Variants in TACC1 observed in about 807,000 individuals in gnomAD.
TACC1 encodes the protein transforming acidic coiled-coil containing protein 1, also known as transforming acidic coiled-coil-containing protein 1.
Under a neutral mutation model 84.4 loss-of-function variants are expected in TACC1, and 48 were observed. The ratio of observed to expected loss-of-function variants is 0.57; its 90% CI spans 0.45 to 0.72. TACC1 has a LOEUF of 0.72. Ranked by LOEUF, TACC1 falls within the 30% of genes least tolerant of loss-of-function variation. TACC1 has a pLI of 0.00. For synonymous variants in TACC1, 372 were observed against 376.3 expected (o/e 0.99, Z 0.13); for missense variants, 920 against 973.0 (o/e 0.95, Z 0.72).
At chr8:38,795,887 C>T (rs1819849318) in intron 2 of TACC1, among the ~76,000 whole-genome samples, 1 of 152,120 alleles carries the variant, frequency 6.6e-6, no homozygotes, top group African/African-American at 2.4e-5. Context: ...GCCAGACTCA[C>T]AAGGGAATAA....
intron 4 of TACC1, among the ~76,000 whole-genome samples, chr8:38,825,997 C>T (rs866630660): frequency 1.3e-5 from 2 of 152,220 alleles, no homozygotes; most frequent in Admixed American, 6.5e-5. Context: ...TAATATCCAT[C>T]CATGACCGTA....
At chr8:38,788,648 A>G (rs753038802) in intron 1 of TACC1, 56 bp from the exon 2 acceptor site, 14 of 1,329,260 alleles carry the variant, frequency 1.1e-5, no homozygotes, top group Non-Finnish European at 1.4e-5. Context: ...GTAGATTTCA[A>G]AGGGTGTCGG....
At chr8:38,846,854 G>C in intron 12 of TACC1, 35 bp downstream of exon 12, 1 of 1,610,158 alleles carries the variant, frequency 6.2e-7, no homozygotes, top group Non-Finnish European at 8.5e-7. Context: ...TGGCCACAGA[G>C]ACGTTTGGTT....
At chr8:38,754,726 C>T (rs895190952) in intron 3 of TACC1, among the ~76,000 whole-genome samples, 20 of 152,226 alleles carry the variant, frequency 1.3e-4, no homozygotes, top group African/African-American at 4.8e-4. Context: ...ATTCCAGCCT[C>T]AGTATACTTT....
intron 2 of TACC1, among the ~76,000 whole-genome samples, chr8:38,795,419 T>C (rs561789312): frequency 2.6e-5 from 4 of 152,370 alleles, no homozygotes; most frequent in Non-Finnish European, 5.9e-5. Context: ...GAACTTACTT[T>C]GGTACTTGCG....
At chr8:38,765,138 T>C (rs1180599980) in intron 3 of TACC1, among the ~76,000 whole-genome samples, 2 of 151,344 alleles carry the variant, frequency 1.3e-5, no homozygotes, top group African/African-American at 4.8e-5. Flanking sequence ...TCTTTCTTTC[T>C]GTTTAACTCT....
intron 10 of TACC1, 56 bp downstream of exon 10, chr8:38,842,503 G>A: frequency 6.6e-7 from 1 of 1,520,714 alleles, no homozygotes; most frequent in Non-Finnish European, 8.8e-7. Context: ...TATTTCCTTG[G>A]TAACTGGTCA....
chr8:38,842,591 C>A, intron 10 of TACC1, 144 bp downstream of exon 10: 1 of 945,950 alleles, frequency 1.1e-6, no homozygotes, highest in Non-Finnish European at 1.5e-6. Flanking sequence ...TCCTCTATTC[C>A]AGTGAAGCTG....
chr8:38,847,550 C>T (rs1832543404), intron 12 of TACC1, among the ~76,000 whole-genome samples: 1 of 152,214 alleles, frequency 6.6e-6, no homozygotes, highest in Non-Finnish European at 1.5e-5. Flanking sequence ...GTTTTTATCA[C>T]AGGGTCTGTT....
chr8:38,789,010 T>G (rs1237401078), intron 2 of TACC1, among the ~76,000 whole-genome samples, 191 bp downstream of exon 2: 1 of 152,194 alleles, frequency 6.6e-6, no homozygotes, highest in African/African-American at 2.4e-5. Context: ...GAGTAGAGTT[T>G]GTGCATTTGC....
intron 2 of TACC1, among the ~76,000 whole-genome samples, chr8:38,807,739 GT>G (rs1823102931): frequency 6.6e-6 from 1 of 152,144 alleles, no homozygotes; most frequent in South Asian, 2.1e-4. Context: ...AGACTTTCAA[GT>G]TTTTTCATAG....
intron 1 of TACC1, among the ~76,000 whole-genome samples, chr8:38,741,691 T>C (rs1280716475): frequency 6.6e-6 from 1 of 152,194 alleles, no homozygotes; most frequent in Non-Finnish European, 1.5e-5. Context: ...AAGACTAGAC[T>C]GTGGGGTTGG....
At chr8:38,781,405 G>A (rs910299680) in intron 3 of TACC1, among the ~76,000 whole-genome samples, 3 of 149,756 alleles carry the variant, frequency 2.0e-5, no homozygotes, top group Non-Finnish European at 4.4e-5. Flanking sequence ...TTTTTGAGGC[G>A]GAGACTTGTT....
chr8:38,805,494 G>A (rs1822465220), intron 2 of TACC1: 1 of 152,404 alleles, frequency 6.6e-6, no homozygotes, highest in Non-Finnish European at 1.5e-5. Context: ...CTATGAGGCG[G>A]TGGTAGGGCT....
intron 11 of TACC1, among the ~76,000 whole-genome samples, chr8:38,845,146 A>G (rs986175815): frequency 6.6e-6 from 1 of 152,200 alleles, no homozygotes; most frequent in Non-Finnish European, 1.5e-5. Flanking sequence ...GCTGGTCTCG[A>G]ACTTCTGACC....
chr8:38,799,654 A>G (rs932382125), intron 2 of TACC1: 2 of 152,216 alleles, frequency 1.3e-5, no homozygotes, highest in African/African-American at 4.8e-5. Context: ...GGGCTTGACA[A>G]TTATAACTCT....
intron 9 of TACC1, among the ~76,000 whole-genome samples, chr8:38,841,209 C>T (rs1831213873): frequency 6.6e-6 from 1 of 152,140 alleles, no homozygotes; most frequent in South Asian, 2.1e-4. Flanking sequence ...GATTCATTAA[C>T]ATTGAGCTCA....
intron 3 of TACC1, among the ~76,000 whole-genome samples, chr8:38,753,843 C>A (rs915559017): frequency 6.6e-6 from 1 of 151,414 alleles, no homozygotes; most frequent in African/African-American, 2.4e-5. Context: ...AGTTCCTTTT[C>A]CCCTTGTCTC....
At chr8:38,795,169 G>A (rs1325654671) in intron 2 of TACC1, among the ~76,000 whole-genome samples, 1 of 152,162 alleles carries the variant, frequency 6.6e-6, no homozygotes, top group Admixed American at 6.5e-5. Flanking sequence ...CCTTACCCAA[G>A]GGAGTGTCTT....
Sources: gnomAD v4.1 joint callset for allele counts (sites outside exome capture counted in the v4.1 genomes callset) on GRCh38, gnomAD v4.1.1 for gene constraint, MANE v1.5 for transcripts, NCBI Gene and HGNC (gene_info 2026-07-23, HGNC 2026-07-21) for gene names.